The following ZNF510 variants were observed in gnomAD, a reference collection of about 807,000 sequenced individuals.
ZNF510 encodes zinc finger protein 510.
ZNF510 carries 15 observed loss-of-function variants against 18.1 expected under a neutral mutation model. That is an observed-to-expected ratio of 0.83 (90% CI 0.55 to 1.28). The LOEUF (loss-of-function observed/expected upper bound fraction) is 1.28. ZNF510 is among the 50% of genes most tolerant of loss of function. ZNF510 has a pLI of 0.00. For missense variants in ZNF510, 724 were observed against 791.8 expected, an observed-to-expected ratio of 0.91 and a Z score of 1.03; for synonymous variants, 261 against 266.4, an observed-to-expected ratio of 0.98 and a Z score of 0.20.
chr9:96,767,458 G>A (rs1486437736), intron 3 of ZNF510, among the ~76,000 whole-genome samples: 1 of 152,134 alleles, frequency 6.6e-6, no homozygotes, highest in African/African-American at 2.4e-5. Flanking sequence ...TGCTAAGTGT[G>A]AAATTTATAG....
intron 5 of ZNF510, among the ~76,000 whole-genome samples, chr9:96,761,021 T>G (rs975967805): frequency 6.6e-6 from 1 of 151,980 alleles, no homozygotes; most frequent in Non-Finnish European, 1.5e-5. Context: ...CAACATCAAA[T>G]TAAATTTATA....
At chr9:96,763,717 T>A in intron 3 of ZNF510, 85 bp from the exon 4 acceptor site, 1 of 1,340,942 alleles carries the variant, frequency 7.5e-7, no homozygotes, top group Non-Finnish European at 9.9e-7. Context: ...CTTATCAGGT[T>A]TAACTCTAAA....
chr9:96,766,987 A>G (rs1849486927), intron 3 of ZNF510, among the ~76,000 whole-genome samples: 1 of 152,184 alleles, frequency 6.6e-6, no homozygotes, highest in African/African-American at 2.4e-5. Context: ...TGGGGGCCAT[A>G]CACATAGGTG....
intron 3 of ZNF510, among the ~76,000 whole-genome samples, chr9:96,770,427 TAAA>T (rs57872154): frequency 3.1e-5 from 4 of 128,744 alleles, no homozygotes; most frequent in Non-Finnish European, 6.9e-5. Context: ...CTGTGTCTAC[TAAA>T]AAAAAAAAAA....
Position 96,776,173 on chromosome 9 carries a change from C to T in ZNF510, c.-104G>A, listed in dbSNP as rs1158376413. ...GTTCTTCTGCATCTGTTTGGAAGCC[C>T]TGGTGAGGAGGTCTCTGTTCTGTCA... On this transcript the variant is annotated 5_prime_UTR_variant, in exon 2 of 6. Transcript: ENST00000223428. 1 of 1,497,234 alleles carries T rather than the reference C, an allele frequency of 6.7e-7. No individual in the cohort carries two copies. Among genetic ancestry groups the T allele is most frequent in the African/African-American group, 1.4e-5 (1 of 71,540 alleles). 92.7% of individuals were successfully genotyped at this position (1,497,234 alleles called of 1,614,324 possible).
chr9:96,775,061 T>G (rs911625240), intron 2 of ZNF510, among the ~76,000 whole-genome samples: 5 of 141,798 alleles, frequency 3.5e-5, no homozygotes, highest in Non-Finnish European at 7.4e-5. Context: ...GTGTGTGTTT[T>G]TTTGTTTTTT....
intron 3 of ZNF510, among the ~76,000 whole-genome samples, chr9:96,769,128 C>G (rs1232361408): frequency 6.6e-6 from 1 of 152,010 alleles, no homozygotes; most frequent in Non-Finnish European, 1.5e-5. Context: ...CTACCTTATA[C>G]TGTATTTTAA....
chr9:96,766,566 A>G (rs1564438610), intron 3 of ZNF510, among the ~76,000 whole-genome samples: 1 of 150,952 alleles, frequency 6.6e-6, no homozygotes, highest in African/African-American at 2.5e-5. Flanking sequence ...AAGATTGAAA[A>G]GACATAATTA....
At chr9:96,770,710 A>G (rs1588131677) in intron 3 of ZNF510, among the ~76,000 whole-genome samples, 1 of 152,204 alleles carries the variant, frequency 6.6e-6, no homozygotes, top group East Asian at 1.9e-4. Flanking sequence ...AACAGAACAC[A>G]GATTACTTGT....
intron 3 of ZNF510, among the ~76,000 whole-genome samples, chr9:96,771,244 T>C (rs1432558709): frequency 4.6e-5 from 7 of 152,140 alleles, no homozygotes; most frequent in African/African-American, 1.4e-4. Flanking sequence ...TATTAACAAA[T>C]TGAATCCAGA....
chr9:96,769,844 A>G lies in ZNF510; in HGVS notation c.129+4944T>C, dbSNP rs1333507172. 2.6e-5 allele frequency among the ~76,000 whole-genome samples: 4 copies of G among 152,336 alleles called. No homozygotes were observed. The East Asian group carries it at 7.7e-4, about 29-fold the overall frequency. On this transcript the variant is annotated intron_variant, in intron 3 of 5. Transcript: ENST00000223428. ...ATGTTGAATGTCATTAATCAAGGAA[A>G]TGCAAATCAAAGTTAAATGATACCA...
chr9:96,758,607 T>C lies in ZNF510; in HGVS notation c.*171A>G. ...GAAGGTTGCATTTTGGACACAATTC[T>C]TCCTGCATTCATCTTCATCTGGTTT... is the stretch of plus-strand genomic sequence containing the variant. On this transcript the variant is annotated 3_prime_UTR_variant, in exon 6 of 6. Coordinates refer to ENST00000223428, the MANE Select transcript of ZNF510 (RefSeq NM_014930.3). 1 of 672,668 alleles carries C rather than the reference T, an allele frequency of 1.5e-6. No homozygotes were observed. The highest frequency in any genetic ancestry group is 2.8e-5 in the East Asian group (1 of 35,876). The allele number at this position is 672,668 out of a possible 1,614,324, so 41.7% of individuals were successfully genotyped here.
chr9:96,768,805 C>G (rs185162806), intron 3 of ZNF510, among the ~76,000 whole-genome samples: 231 of 152,122 alleles, frequency 1.5e-3, no homozygotes, highest in Admixed American at 4.3e-3. Flanking sequence ...ATATCAAAAT[C>G]CTAATGACCT....
chr9:96,768,912 T>C (rs1442564738), intron 3 of ZNF510, among the ~76,000 whole-genome samples: 2 of 152,132 alleles, frequency 1.3e-5, no homozygotes, highest in African/African-American at 2.4e-5. Context: ...ATTGGAGGGA[T>C]TACATTTCCT....
At chr9:96,775,759 G>A (rs112983204) in intron 2 of ZNF510, among the ~76,000 whole-genome samples, 2,835 of 152,286 alleles carry the variant, frequency 0.019, 81 homozygotes, top group African/African-American at 0.063. Flanking sequence ...GTTCAGGATA[G>A]AGGCAACCTT....
At chr9:96,768,873 CA>C (rs1849530383) in intron 3 of ZNF510, among the ~76,000 whole-genome samples, 1 of 151,448 alleles carries the variant, frequency 6.6e-6, no homozygotes, top group Non-Finnish European at 1.5e-5. Flanking sequence ...CCTGAATAGT[CA>C]AAACAATCTA....
chr9:96,764,689 T>C (rs1177698039), intron 3 of ZNF510, among the ~76,000 whole-genome samples: 1 of 152,128 alleles, frequency 6.6e-6, no homozygotes, highest in African/African-American at 2.4e-5. Flanking sequence ...AAACATTATA[T>C]ATATAGGGAT....
At chr9:96,771,842 G>A (rs749776754) in intron 3 of ZNF510, among the ~76,000 whole-genome samples, 2 of 152,086 alleles carry the variant, frequency 1.3e-5, no homozygotes, top group Non-Finnish European at 2.9e-5. Context: ...CATTTAAAAT[G>A]CAGTATCATT....
chr9:96,769,181 T>C (rs1280591093), intron 3 of ZNF510, among the ~76,000 whole-genome samples: 1 of 152,154 alleles, frequency 6.6e-6, no homozygotes, highest in Admixed American at 6.5e-5. Flanking sequence ...ACACCTGTAA[T>C]CCCAGCACTT....
Sources: gnomAD v4.1 joint callset for allele counts (sites outside exome capture counted in the v4.1 genomes callset) on GRCh38, gnomAD v4.1.1 for gene constraint, MANE v1.5 for transcripts, NCBI Gene and HGNC (gene_info 2026-07-23, HGNC 2026-07-21) for gene names.